CUBN: variants seen among roughly 807,000 people sequenced by gnomAD.
CUBN encodes 460 kDa receptor.
Under a neutral mutation model 405.3 loss-of-function variants are expected in CUBN, and 282 were observed. The ratio of observed to expected loss-of-function variants is 0.70; its 90% CI spans 0.63 to 0.77. The LOEUF (loss-of-function observed/expected upper bound fraction) is 0.77. CUBN is among the 30% of genes least tolerant of loss of function. The pLI, the probability that CUBN is intolerant of heterozygous loss-of-function variation, is 0.00. For missense variants in CUBN, 4,514 were observed against 4,475.2 expected, an observed-to-expected ratio of 1.01 and a Z score of -0.25; for synonymous variants, 1,684 against 1,617.0, an observed-to-expected ratio of 1.04 and a Z score of -0.99.
In CUBN at chr10:16,925,422, T is replaced by C. The variant is rs541095334; in HGVS notation, c.6465A>G (p.Leu2155=). The C allele has an allele frequency of 6.2e-7, 1 of 1,613,798 alleles. No homozygotes were observed. The highest frequency in any genetic ancestry group is 8.5e-7 in the Non-Finnish European group (1 of 1,179,788). Residue 2155 remains leucine, a splice_region_variant and synonymous_variant, in exon 43 of 67, where the codon CTA becomes CTG. Coordinates refer to ENST00000377833, the MANE Select transcript of CUBN (RefSeq NM_001081.4). ...GAGAACAGATATCAGGACCATTTCT[T>C]AGCTGGAAAGACAAATTAAAATTTC... ...SSCNQGDYLV[L]RNGPDICSPP...
intron 27 of CUBN, among the ~76,000 whole-genome samples, chr10:17,027,645 C>T (rs1323218402): frequency 6.6e-6 from 1 of 152,142 alleles, no homozygotes; most frequent in East Asian, 1.9e-4. Context: ...AGTAATGCTT[C>T]TCCAATCTCA....
chr10:16,854,615 G>C (rs1452499134), intron 59 of CUBN, among the ~76,000 whole-genome samples: 2 of 151,970 alleles, frequency 1.3e-5, no homozygotes, highest in Non-Finnish European at 2.9e-5. Context: ...GCTGTTGCTG[G>C]GCATTATTCT....
rs973020882 is a variant in CUBN, at chr10:16,954,515, G to A, written c.4729C>T (p.Leu1577Phe). 6 of 1,613,794 alleles carry A rather than the reference G, an allele frequency of 3.7e-6. No individual in the cohort carries two copies. The highest frequency in any genetic ancestry group is 5.1e-6 in the Non-Finnish European group (6 of 1,180,022). The change falls in exon 32 of 67, where the codon CTT becomes TTT. Residue 1577 changes from leucine to phenylalanine, a missense_variant. By Grantham distance (22) the Leu-to-Phe change is conservative. Coordinates refer to ENST00000377833, the MANE Select transcript of CUBN (RefSeq NM_001081.4). ...TGCTCCCTTCCACACGTCCTGGCAAGGCGGGACATTGTGGAGCTTAAGCCA... is the reference window on the plus strand; with the variant it reads ...TGCTCCCTTCCACACGTCCTGGCAAAGCGGGACATTGTGGAGCTTAAGCCA... Reference protein sequence around the residue: ...YDGLSSTMSRLARTCGREQLA... With the variant: ...YDGLSSTMSRFARTCGREQLA...
Position 16,889,953 on chromosome 10 carries a change from A to AAAAAAAAAAAAAAAAG in CUBN, c.8755+417_8755+418insCTTTTTTTTTTTTTTT, listed in dbSNP as rs57009841. Among the ~76,000 whole-genome samples, 117 of 118,008 alleles carry AAAAAAAAAAAAAAAAG rather than the reference A, an allele frequency of 9.9e-4. 21 individuals are homozygous for AAAAAAAAAAAAAAAAG. Among genetic ancestry groups the AAAAAAAAAAAAAAAAG allele is most frequent in the African/African-American group, 4.5e-3 (107 of 23,868 alleles). The allele number at this position is 118,008 out of a possible 152,430, so 77.4% of individuals were successfully genotyped here. ...GCCGTGTCAAAAAAAAAAAAAAAAA[A>AAAAAAAAAAAAAAAAG]CAGGAAAGACTTCGTCATGGAAATT... On this transcript the variant is annotated intron_variant, in intron 55 of 66. Coordinates refer to ENST00000377833, the MANE Select transcript of CUBN (RefSeq NM_001081.4).
intron 31 of CUBN, among the ~76,000 whole-genome samples, chr10:16,962,028 T>C (rs1343704553): frequency 6.6e-6 from 1 of 152,188 alleles, no homozygotes; most frequent in Non-Finnish European, 1.5e-5. Context: ...GCAATCTTTA[T>C]TGACGAAAAT....
chr10:16,972,025 G>A (rs942636924), intron 31 of CUBN, among the ~76,000 whole-genome samples: 3 of 152,036 alleles, frequency 2.0e-5, no homozygotes, highest in East Asian at 1.9e-4. Context: ...CAATCCTCAC[G>A]CTCGTTGGCA....
rs1564420498 is a variant in CUBN, at chr10:16,913,834, A to G, written c.7510T>C (p.Ser2504Pro). 1.9e-6 allele frequency: 3 copies of G among 1,613,886 alleles called. No individual in the cohort carries two copies. Among genetic ancestry groups the G allele is most frequent in the Admixed American group, 1.7e-5 (1 of 60,006 alleles). ...ACTATCACATGCTCATTGTTGCAGGACGGATGCGTGGCCAGCCTCAGGTTG... is the reference window on the plus strand; with the variant it reads ...ACTATCACATGCTCATTGTTGCAGGGCGGATGCGTGGCCAGCCTCAGGTTG... ...FNNLRLATHP[S>P]CNNEHVIVFN... The change falls in exon 48 of 67, where the codon TCC becomes CCC. Residue 2504 changes from serine to proline, a missense_variant. Transcript: ENST00000377833.
chr10:16,935,611 G>T (rs531549368), intron 39 of CUBN, among the ~76,000 whole-genome samples: 1 of 152,102 alleles, frequency 6.6e-6, no homozygotes, highest in Non-Finnish European at 1.5e-5. Flanking sequence ...CGGATGCAGT[G>T]GCTCACGCCT....
At chr10:17,086,085 C>T (rs1483867375) in intron 15 of CUBN, among the ~76,000 whole-genome samples, 1 of 151,936 alleles carries the variant, frequency 6.6e-6, no homozygotes, top group African/African-American at 2.4e-5. Context: ...CCTGCCTCAG[C>T]CTCCCAAGTA....
chr10:17,112,373 G>A (rs1836791132), intron 8 of CUBN, among the ~76,000 whole-genome samples: 1 of 151,616 alleles, frequency 6.6e-6, no homozygotes, highest in African/African-American at 2.4e-5. Flanking sequence ...TTTTTGTAGT[G>A]ATATTTTATA....
intron 28 of CUBN, among the ~76,000 whole-genome samples, chr10:16,995,144 TAA>T (rs1212642737): frequency 7.9e-5 from 12 of 152,226 alleles, no homozygotes; most frequent in Admixed American, 4.6e-4. Context: ...ACATGAGGAA[TAA>T]AGAGTTTTGA....
Position 17,110,637 on chromosome 10 carries a change from C to G in CUBN, c.1015+282G>C, listed in dbSNP as rs10795447. Among the ~76,000 whole-genome samples the G allele has an allele frequency of 0.58, 87,631 of 151,956 alleles. 26,450 individuals carry two copies. Among genetic ancestry groups the G allele is most frequent in the Non-Finnish European group, 0.67 (45,828 of 67,958 alleles). The stretch of plus-strand genomic sequence containing the variant: ...CCGCTTCCCAGGTTCAAGCGATTCT[C>G]GTGCCTCAGCCTCCCGAGTAGCTAG... On this transcript the variant is annotated intron_variant, in intron 9 of 66. Coordinates refer to ENST00000377833, the MANE Select transcript of CUBN (RefSeq NM_001081.4).
At chr10:17,030,203 A>T (rs1375463863) in intron 27 of CUBN, among the ~76,000 whole-genome samples, 2 of 152,128 alleles carry the variant, frequency 1.3e-5, no homozygotes, top group African/African-American at 4.8e-5. Flanking sequence ...TAATTATTTC[A>T]CTATATATTA....
At chr10:17,089,581 C>T (rs2131871075) in intron 14 of CUBN, among the ~76,000 whole-genome samples, 1 of 152,244 alleles carries the variant, frequency 6.6e-6, no homozygotes, top group African/African-American at 2.4e-5. Flanking sequence ...GTTAAAAATG[C>T]AGAGTTTTGA....
chr10:17,002,204 T>C (rs1833910336), intron 28 of CUBN, among the ~76,000 whole-genome samples: 1 of 152,190 alleles, frequency 6.6e-6, no homozygotes, highest in Non-Finnish European at 1.5e-5. Flanking sequence ...CTCAAGTTTC[T>C]ACACTTCATT....
chr10:16,982,590 T>C lies in CUBN; in HGVS notation c.4589A>G (p.Tyr1530Cys), dbSNP rs951066246. 12 of 1,613,566 alleles carry C rather than the reference T, an allele frequency of 7.4e-6. No homozygotes were observed. The highest frequency in any genetic ancestry group is 1.0e-5 in the Non-Finnish European group (12 of 1,179,638). Residue 1530 changes from tyrosine to cysteine, a missense_variant, in exon 31 of 67, where the codon TAT becomes TGT. Around this residue, in one of 5 missense-constraint regions of CUBN, gnomAD observed 1,613 missense variants for 1,542.8 expected, o/e 1.05. Coordinates refer to ENST00000377833, the MANE Select transcript of CUBN (RefSeq NM_001081.4). Reference protein sequence around the residue: ...EIHSPNYPSPYRSNTDCSWVI... With the variant: ...EIHSPNYPSPCRSNTDCSWVI... ...CCAAGAACAGTCTGTGTTGCTCCTATAAGGACTGGGGTAATTTGGAGAATG... is the reference window on the plus strand; with the variant it reads ...CCAAGAACAGTCTGTGTTGCTCCTACAAGGACTGGGGTAATTTGGAGAATG...
rs981674209 is a variant in CUBN, at chr10:16,954,124, T to A, written c.4855+265A>T. ...GTAGTGCTAGATCAGTGAATTTGGA[T>A]AAAACTTTTTTATACTGTTTCTAGT... On this transcript the variant is annotated intron_variant, in intron 32 of 66. Coordinates refer to ENST00000377833, the MANE Select transcript of CUBN (RefSeq NM_001081.4). Among the ~76,000 whole-genome samples, 4 of 151,972 alleles carry A rather than the reference T, an allele frequency of 2.6e-5. No individual in the cohort carries two copies. In the South Asian group the frequency reaches 8.3e-4, roughly 32 times the overall value.
At chr10:16,947,783 C>A (rs1243145889) in intron 35 of CUBN, among the ~76,000 whole-genome samples, 1 of 152,232 alleles carries the variant, frequency 6.6e-6, no homozygotes, top group East Asian at 1.9e-4. Flanking sequence ...TGTTCTGTAG[C>A]TTTTAACCAC....
intron 17 of CUBN, among the ~76,000 whole-genome samples, chr10:17,080,873 C>T (rs1190269112): frequency 6.6e-6 from 1 of 152,148 alleles, no homozygotes; most frequent in South Asian, 2.1e-4. Flanking sequence ...CTATTCTATA[C>T]AATTTAAAAG....
Sources: allele counts gnomAD v4.1 joint callset (sites outside exome capture counted in the v4.1 genomes callset), GRCh38; gene constraint gnomAD v4.1.1; regional missense constraint gnomAD v4.1.1; transcripts MANE v1.5; gene names NCBI Gene and HGNC (gene_info 2026-07-23, HGNC 2026-07-21).